CADPS2: variants seen among roughly 807,000 people sequenced by gnomAD.
CADPS2 encodes the protein calcium dependent secretion activator 2.
Under a neutral mutation model 172.5 loss-of-function variants are expected in CADPS2, and 93 were observed. The observed-to-expected ratio is 0.54, with a 90% CI of 0.46 to 0.64. The LOEUF is 0.64. Ranked by LOEUF, CADPS2 falls within the 30% of genes least tolerant of loss-of-function variation. The pLI, the probability that CADPS2 is intolerant of heterozygous loss-of-function variation, is 0.00. For synonymous variants in CADPS2, 546 were observed against 555.2 expected, an observed-to-expected ratio of 0.98 and a Z score of 0.23; for missense variants, 1,420 against 1,565.9, an observed-to-expected ratio of 0.91 and a Z score of 1.57.
At chr7:122,865,257 G>A (rs950540820) in intron 1 of CADPS2, among the ~76,000 whole-genome samples, 2 of 152,090 alleles carry the variant, frequency 1.3e-5, no homozygotes, top group African/African-American at 4.8e-5. Flanking sequence ...AGTTGCCAGC[G>A]CCTTGCCAGC....
chr7:122,449,524 G>A (rs1049655317), intron 15 of CADPS2, among the ~76,000 whole-genome samples: 27 of 151,946 alleles, frequency 1.8e-4, no homozygotes, highest in African/African-American at 3.9e-4. Flanking sequence ...GTCTCGCTAC[G>A]TTGCCTAGGC....
At position 122,832,284 on chromosome 7, in the gene CADPS2, G is replaced by A. The variant is rs1463620892; in HGVS notation, c.339+53715C>T. ...AAACAGAGAAAAAAAACTGGAGATAGACAAATACAAAAAGTGTGTAAAAAA... is the reference window on the plus strand; with the variant it reads ...AAACAGAGAAAAAAAACTGGAGATAAACAAATACAAAAAGTGTGTAAAAAA... On this transcript the variant is annotated intron_variant, in intron 1 of 29. Coordinates refer to ENST00000449022, the MANE Select transcript of CADPS2 (RefSeq NM_017954.11). 2.0e-5 allele frequency among the ~76,000 whole-genome samples: 3 copies of A among 149,066 alleles called. No individual in the cohort carries two copies. The East Asian group carries it at 5.9e-4, about 29-fold the overall frequency.
intron 17 of CADPS2, chr7:122,421,893 T>G (rs1367452600): frequency 6.6e-6 from 1 of 152,244 alleles, no homozygotes; most frequent in Non-Finnish European, 1.5e-5. Flanking sequence ...GGTGGGTATG[T>G]GTTCGAGTTT....
intron 1 of CADPS2, among the ~76,000 whole-genome samples, chr7:122,766,977 A>G (rs996820432): frequency 1.3e-5 from 2 of 152,206 alleles, no homozygotes; most frequent in Admixed American, 6.5e-5. Context: ...GTGAATACAT[A>G]TAAAGAACAA....
intron 2 of CADPS2, among the ~76,000 whole-genome samples, chr7:122,680,834 G>A (rs2082949300): frequency 1.3e-5 from 2 of 152,102 alleles, no homozygotes; most frequent in South Asian, 4.2e-4. Flanking sequence ...GCACACGTAT[G>A]TTTATTGCGG....
chr7:122,385,670 T>C (rs2043560331), intron 24 of CADPS2, among the ~76,000 whole-genome samples: 1 of 152,024 alleles, frequency 6.6e-6, no homozygotes, highest in African/African-American at 2.4e-5. Flanking sequence ...CGAACTGTTG[T>C]GGAGGAGGGC....
chr7:122,661,121 C>T (rs748752886), intron 3 of CADPS2, among the ~76,000 whole-genome samples: 8 of 152,026 alleles, frequency 5.3e-5, no homozygotes, highest in Non-Finnish European at 1.0e-4. Flanking sequence ...TACTACATCA[C>T]GATAAAGGAG....
chr7:122,686,476 T>A (rs956167161), intron 2 of CADPS2, among the ~76,000 whole-genome samples: 2 of 152,148 alleles, frequency 1.3e-5, no homozygotes, highest in Admixed American at 6.5e-5. Context: ...TAAACTCGAG[T>A]ACGCATTAGA....
In CADPS2 at chr7:122,319,240, A is replaced by G. The variant is rs1468965377; in HGVS notation, c.*925T>C. On this transcript the variant is annotated 3_prime_UTR_variant, in exon 30 of 30. Transcript: ENST00000449022. ...GGTACAAAGAACAGTCAGTGTTACT[A>G]TCTTTTACTCATTTGATTAAAAACA... 1 of 152,250 alleles carries G rather than the reference A, an allele frequency of 6.6e-6. No homozygotes were observed. Among genetic ancestry groups the G allele is most frequent in the Non-Finnish European group, 1.5e-5 (1 of 68,034 alleles). 9.4% of individuals were successfully genotyped at this position (152,250 alleles called of 1,614,324 possible). A position where few individuals can be genotyped will look rare whatever the true frequency, so the allele number is the denominator to read the frequency against.
At chr7:122,711,311 TTTAA>T (rs747235255) in intron 2 of CADPS2, among the ~76,000 whole-genome samples, 64 of 152,262 alleles carry the variant, frequency 4.2e-4, no homozygotes, top group African/African-American at 1.5e-3. Flanking sequence ...AAAATTCTCC[TTTAA>T]TTATTTTTAT....
chr7:122,359,671 G>C (rs1267913188), intron 27 of CADPS2, among the ~76,000 whole-genome samples: 1 of 152,062 alleles, frequency 6.6e-6, no homozygotes, highest in Non-Finnish European at 1.5e-5. Context: ...TCATGCTGCT[G>C]CTTTGTGGGG....
intron 9 of CADPS2, among the ~76,000 whole-genome samples, chr7:122,502,027 A>C (rs1454144668): frequency 6.6e-6 from 1 of 152,150 alleles, no homozygotes; most frequent in African/African-American, 2.4e-5. Context: ...CCCGAATAGC[A>C]AGCCAATTAC....
At chr7:122,732,508 T>G (rs2137573528) in intron 2 of CADPS2, among the ~76,000 whole-genome samples, 1 of 150,290 alleles carries the variant, frequency 6.7e-6, no homozygotes, top group East Asian at 1.9e-4. Context: ...AAGATATCTT[T>G]TCAATTTAAT....
intron 2 of CADPS2, among the ~76,000 whole-genome samples, chr7:122,689,099 C>T (rs1007793451): frequency 2.0e-5 from 3 of 152,074 alleles, no homozygotes; most frequent in Non-Finnish European, 4.4e-5. Context: ...TAAGGAGCAA[C>T]AACATACTAC....
At chr7:122,853,289 G>A (rs1814201192) in intron 1 of CADPS2, among the ~76,000 whole-genome samples, 1 of 152,192 alleles carries the variant, frequency 6.6e-6, no homozygotes, top group African/African-American at 2.4e-5. Flanking sequence ...CATTTGCAGA[G>A]TGGCCACATC....
At chr7:122,830,659 T>C (rs1227777784) in intron 1 of CADPS2, among the ~76,000 whole-genome samples, 1 of 152,202 alleles carries the variant, frequency 6.6e-6, no homozygotes, top group African/African-American at 2.4e-5. Flanking sequence ...TTCTATCTCA[T>C]AGGTTATTCT....
intron 6 of CADPS2, among the ~76,000 whole-genome samples, chr7:122,595,730 A>G (rs2133333063): frequency 6.6e-6 from 1 of 152,170 alleles, no homozygotes; most frequent in East Asian, 1.9e-4. Flanking sequence ...TCTTTAGTTG[A>G]AATAAAGAGA....
At chr7:122,792,468 A>C (rs1179311689) in intron 1 of CADPS2, among the ~76,000 whole-genome samples, 1 of 152,116 alleles carries the variant, frequency 6.6e-6, no homozygotes, top group Non-Finnish European at 1.5e-5. Flanking sequence ...CAGTACCTTG[A>C]CCTTGGACCT....
At position 122,325,506 on chromosome 7, in the gene CADPS2, G is replaced by C. The variant is rs780217764; in HGVS notation, c.3688C>G (p.Gln1230Glu). 17 of 1,610,280 alleles carry C rather than the reference G, an allele frequency of 1.1e-5. No homozygotes were observed. Among genetic ancestry groups the C allele is most frequent in the Non-Finnish European group, 1.4e-5 (17 of 1,178,022 alleles). Residue 1230 changes from glutamine to glutamate, a missense_variant, in exon 29 of 30, where the codon CAG (glutamine) becomes GAG (glutamate). By Grantham distance (29) the Gln-to-Glu change is conservative (BLOSUM62 2). Transcript: ENST00000449022. ...ACAATCTTGATGAGCGTCTTCAGCT[G>C]GTAAATATGGAGTTGGAGGTCTAAT... ...DRLDLQLHIY[Q>E]LKTLIKIVKK...
Sources: allele counts gnomAD v4.1 joint callset (sites outside exome capture counted in the v4.1 genomes callset), GRCh38; gene constraint gnomAD v4.1.1; transcripts MANE v1.5; gene names NCBI Gene and HGNC (gene_info 2026-07-23, HGNC 2026-07-21).